Variants in MICALL2 observed in about 807,000 individuals in gnomAD.
MICALL2 encodes MICAL-like protein 2.
A neutral mutation model predicts 91.1 loss-of-function variants in MICALL2; 111 were observed. The observed-to-expected ratio is 1.22, with a 90% confidence interval of 1.04 to 1.43. The LOEUF is 1.43. Among genes scored for constraint, MICALL2 ranks in the 40% most tolerant of loss-of-function variants. The pLI is 0.00. For synonymous variants in MICALL2, 694 were observed against 525.3 expected (o/e 1.32, Z -4.39); for missense variants, 1,556 against 1,236.0 (o/e 1.26, Z -3.88).
intron 5 of MICALL2, among the ~76,000 whole-genome samples, chr7:1,446,016 T>C (rs1780557262): frequency 6.8e-6 from 1 of 147,582 alleles, no homozygotes; most frequent in South Asian, 2.2e-4. Context: ...GGAGGGCATC[T>C]TGACGGGGGC....
At position 1,440,578 on chromosome 7, in the gene MICALL2, A is replaced by G; in HGVS notation, c.1805+13T>C. On this transcript the variant is annotated intron_variant, in intron 8 of 16. Transcript: ENST00000297508. ...GTGTACCAGGCCCTGGGCCAGCCCC[A>G]CCCATCCCTAACCTCTCAGCTGGGC... 1 of 1,605,414 alleles carries G rather than the reference A, an allele frequency of 6.2e-7. No individual in the cohort carries two copies. Among genetic ancestry groups the G allele is most frequent in the Non-Finnish European group, 8.5e-7 (1 of 1,174,358 alleles).
intron 1 of MICALL2, among the ~76,000 whole-genome samples, chr7:1,458,760 T>C (rs1781107489): frequency 6.6e-6 from 1 of 152,026 alleles, no homozygotes; most frequent in Non-Finnish European, 1.5e-5. Flanking sequence ...CCTGGCCACA[T>C]CCCCCCAGGG....
In MICALL2 at chr7:1,444,935, C is replaced by G; in HGVS notation, c.1135G>C (p.Gly379Arg). 1.3e-6 allele frequency: 2 copies of G among 1,524,344 alleles called. No homozygotes were observed. The highest frequency in any genetic ancestry group is 1.8e-4 in the Middle Eastern group (1 of 5,692). 94.4% of individuals were successfully genotyped at this position (1,524,344 alleles called of 1,614,324 possible). The change falls in exon 6 of 17, where the codon GGG (glycine) becomes CGG (arginine). Residue 379 changes from glycine (G) to arginine (R), a missense_variant. Physicochemically the swap from Gly to Arg is moderately radical, Grantham distance 125. Coordinates refer to ENST00000297508, the MANE Select transcript of MICALL2 (RefSeq NM_182924.4). The stretch of plus-strand genomic sequence containing the variant: ...GGAGCTGCCACTCGGGGGGCTCCCC[C>G]ACCCTGGGGTGTGGCCGGGCGAGGG... ...PDPRPATPQG[G>R]GAPRVAAPQT...
Position 1,451,530 on chromosome 7 carries a change from C to T in MICALL2, c.144-1242G>A, listed in dbSNP as rs932761412. ...AAACAAAAATATAGTGATCGTGACC[C>T]GTCTGTCCACGTTGCTGCCTGTGGG... On this transcript the variant is annotated intron_variant, in intron 1 of 16. Transcript: ENST00000297508. This position sits in a 1 kb window ranked among gnomAD's most constrained non-coding sequence, Gnocchi z 4.5. Among the ~76,000 whole-genome samples, 8 of 152,176 alleles carry T rather than the reference C, an allele frequency of 5.3e-5. No individual in the cohort carries two copies. The highest frequency in any genetic ancestry group is 2.4e-5 in the African/African-American group (1 of 41,430).
chr7:1,436,804 C>T lies in MICALL2; in HGVS notation c.2529G>A (p.Gln843=), dbSNP rs760111306. 2.4e-5 allele frequency: 38 copies of T among 1,608,040 alleles called. No homozygotes were observed. Among genetic ancestry groups the T allele is most frequent in the Non-Finnish European group, 3.1e-5 (37 of 1,178,444 alleles). ...TGCGGTCGTTCACGGTGCTCACGTA[C>T]TGCTCCAGCAGCTCCTGCTCCCGCC... The part of the protein sequence containing the change: ...ERRREQELLE[Q]YVSTVNDRSD... The change falls in exon 15 of 17, where the codon CAG becomes CAA. Residue 843 remains glutamine (Q), a synonymous_variant. Transcript: ENST00000297508.
chr7:1,439,678 TACACATGCGC>T (rs1249151633), intron 9 of MICALL2: 9 of 411,124 alleles, frequency 2.2e-5, no homozygotes, highest in African/African-American at 6.2e-5. Context: ...AACACAGATG[TACACATGCGC>T]ACACATGCAT....
chr7:1,437,624 G>C lies in MICALL2; in HGVS notation c.2403-16C>G, dbSNP rs977419128. Reference sequence around the variant, plus strand: ...GGCCTTGGACCTGCCGCACAGACACGCGTCTGAGGCCTGACTCTGCCGCCC... The same window carrying C: ...GGCCTTGGACCTGCCGCACAGACACCCGTCTGAGGCCTGACTCTGCCGCCC... On this transcript the variant is annotated splice_polypyrimidine_tract_variant and intron_variant, in intron 13 of 16. Transcript: ENST00000297508. 1 of 1,538,654 alleles carries C rather than the reference G, an allele frequency of 6.5e-7. No homozygotes were observed. Among genetic ancestry groups the C allele is most frequent in the Non-Finnish European group, 8.7e-7 (1 of 1,145,952 alleles).
chr7:1,449,543 G>A (rs974898376), intron 2 of MICALL2, among the ~76,000 whole-genome samples: 14 of 152,244 alleles, frequency 9.2e-5, no homozygotes, highest in African/African-American at 2.4e-4. Context: ...TTTTAATTAA[G>A]TTAAAGCTTA....
chr7:1,440,591 C>G lies in MICALL2; in HGVS notation c.1805G>C (p.Arg602Thr). 6.2e-7 allele frequency: 1 copy of G among 1,612,682 alleles called. No homozygotes were observed. Among genetic ancestry groups the G allele is most frequent in the Non-Finnish European group, 8.5e-7 (1 of 1,179,818 alleles). ...TGGGCCAGCCCCACCCATCCCTAACCTCTCAGCTGGGCTTCTCCTGTCCAC... is the reference window on the plus strand; with the variant it reads ...TGGGCCAGCCCCACCCATCCCTAACGTCTCAGCTGGGCTTCTCCTGTCCAC... The part of the protein sequence containing the change: ...KPVDRRSPAE[R>T]TLKPKEPRAL... The change falls in exon 8 of 17, where the codon AGG (arginine) becomes ACG (threonine). Residue 602 changes from arginine (R) to threonine (T), a missense_variant and splice_region_variant. Transcript: ENST00000297508.
intron 8 of MICALL2, 137 bp downstream of exon 8, chr7:1,440,454 G>A: frequency 1.3e-6 from 1 of 784,472 alleles, no homozygotes; most frequent in Admixed American, 2.1e-5. Context: ...TCAGGCAGGG[G>A]TGACCTGGCC....
chr7:1,438,228 C>T lies in MICALL2; in HGVS notation c.2188-8G>A, dbSNP rs774616171. On this transcript the variant is annotated splice_region_variant and splice_polypyrimidine_tract_variant and intron_variant, in intron 11 of 16. Transcript: ENST00000297508. ...GAGGTAGTCGGGGTGCAGCTGGGAA[C>T]GGAGGGGCGGTGAGGATGCCGGAGG... 2.5e-5 allele frequency: 39 copies of T among 1,588,018 alleles called. No homozygotes were observed. The highest frequency in any genetic ancestry group is 1.1e-4 in the African/African-American group (8 of 74,586).
intron 6 of MICALL2, 62 bp downstream of exon 6, chr7:1,444,590 G>C (rs984928082): frequency 6.6e-7 from 1 of 1,516,638 alleles, no homozygotes; most frequent in African/African-American, 1.4e-5. Flanking sequence ...TCTGGCCTCC[G>C]GGGCCCCGCT....
intron 2 of MICALL2, among the ~76,000 whole-genome samples, chr7:1,449,482 G>A (rs777169194): frequency 1.3e-5 from 2 of 152,050 alleles, no homozygotes; most frequent in Admixed American, 6.6e-5. Flanking sequence ...ACTAATTTTT[G>A]GTATTTTTAG....
intron 9 of MICALL2, chr7:1,439,683 A>G (rs555796161): frequency 1.2e-4 from 50 of 419,860 alleles, no homozygotes; most frequent in African/African-American, 7.2e-4. Context: ...AGATGTACAC[A>G]TGCGCACACA....
intron 10 of MICALL2, chr7:1,438,562 TC>T: frequency 7.0e-7 from 1 of 1,422,516 alleles, no homozygotes; most frequent in Non-Finnish European, 9.2e-7. Context: ...CACCCTGCCC[TC>T]CTCCAGGTCA....
intron 1 of MICALL2, among the ~76,000 whole-genome samples, chr7:1,458,623 T>A (rs1420927050): frequency 2.0e-5 from 3 of 152,232 alleles, no homozygotes; most frequent in Admixed American, 6.5e-5. Flanking sequence ...CACCTCCTGC[T>A]GCTCCCAGAG....
At chr7:1,435,014 G>T in intron 16 of MICALL2, 87 bp downstream of exon 16, 1 of 518,048 alleles carries the variant, frequency 1.9e-6, no homozygotes, top group Non-Finnish European at 2.9e-6. Context: ...CTGGAGGCCC[G>T]GTCCACCCAG....
At chr7:1,436,337 G>A (rs1003253417) in intron 15 of MICALL2, among the ~76,000 whole-genome samples, 5 of 151,138 alleles carry the variant, frequency 3.3e-5, no homozygotes, top group Non-Finnish European at 5.9e-5. Flanking sequence ...AGCCAAGATC[G>A]CACCACTACA....
intron 2 of MICALL2, among the ~76,000 whole-genome samples, chr7:1,448,987 C>A (rs967183344): frequency 6.6e-6 from 1 of 152,256 alleles, no homozygotes; most frequent in East Asian, 1.9e-4. Context: ...GGCCGGTGGG[C>A]GCTCAAGGCC....
Sources: allele counts gnomAD v4.1 joint callset (sites outside exome capture counted in the v4.1 genomes callset), GRCh38; gene constraint gnomAD v4.1.1; non-coding constraint Gnocchi (gnomAD v3.1); transcripts MANE v1.5; gene names NCBI Gene and HGNC (gene_info 2026-07-23, HGNC 2026-07-21).